Variants in CD9 observed in about 807,000 individuals in gnomAD.
The protein encoded by CD9 is CD9 molecule.
In CD9, 10 loss-of-function variants were observed where a neutral mutation model predicts 31.4. The ratio of observed to expected loss-of-function variants is 0.32; its 90% CI spans 0.20 to 0.54. The LOEUF (loss-of-function observed/expected upper bound fraction) is 0.54, where lower values mean the gene tolerates loss of function less well. CD9 is among the 20% of genes least tolerant of loss of function. The pLI is 0.94. For synonymous variants in CD9, 113 were observed against 114.1 expected, an observed-to-expected ratio of 0.99 and a Z score of 0.06; for missense variants, 259 against 300.1, an observed-to-expected ratio of 0.86 and a Z score of 1.01.
chr12:6,233,573 T>A lies in CD9; in HGVS notation c.348+87T>A. On this transcript the variant is annotated intron_variant, in intron 4 of 7. Transcript: ENST00000009180. ...GGGGGCAAGTCCTGGCTGGGCACTT[T>A]GTTCAGCTTTCAGCTGTTGACCAGG... 2.9e-6 allele frequency: 3 copies of A among 1,028,926 alleles called. No homozygotes were observed. In the South Asian group the frequency reaches 3.8e-5, roughly 13 times the overall value. 63.7% of individuals were successfully genotyped at this position (1,028,926 alleles called of 1,614,324 possible).
At chr12:6,233,776 G>A (rs1247878485) in intron 4 of CD9, among the ~76,000 whole-genome samples, 1 of 151,974 alleles carries the variant, frequency 6.6e-6, no homozygotes. Context: ...TCACACCTCA[G>A]CAGCCCTTCC....
At chr12:6,225,272 C>T in intron 1 of CD9, 154 bp from the exon 2 acceptor site, 1 of 609,884 alleles carries the variant, frequency 1.6e-6, no homozygotes, top group South Asian at 2.0e-5. Flanking sequence ...GAATCAAACA[C>T]ACCCCGTAAT....
chr12:6,228,751 C>T (rs1219417337), intron 2 of CD9, among the ~76,000 whole-genome samples: 1 of 152,176 alleles, frequency 6.6e-6, no homozygotes, highest in South Asian at 2.1e-4. Context: ...GGCCCAGAGC[C>T]CTTCTCCTAG....
intron 6 of CD9, 122 bp from the exon 7 acceptor site, chr12:6,236,070 T>C: frequency 6.6e-7 from 1 of 1,506,414 alleles, no homozygotes; most frequent in Non-Finnish European, 8.9e-7. Context: ...CCCCGAACAC[T>C]CCTGTCCCCA....
chr12:6,235,803 C>CCGGAAGCTCTCAAGGGCAGG, intron 6 of CD9: 1 of 1,386,166 alleles, frequency 7.2e-7, no homozygotes, highest in Non-Finnish European at 9.3e-7. Context: ...TGCTGCCAGC[C>CCGGAAGCTCTCAAGGGCAGG]CGGAAGCTCT....
intron 2 of CD9, among the ~76,000 whole-genome samples, chr12:6,228,696 C>T (rs566444391): frequency 6.6e-5 from 10 of 152,316 alleles, no homozygotes; most frequent in African/African-American, 2.4e-4. Flanking sequence ...AGGCGTCGCT[C>T]TGTGTCCCCT....
At chr12:6,201,866 C>T (rs562812245) in intron 1 of CD9, among the ~76,000 whole-genome samples, 1 of 152,172 alleles carries the variant, frequency 6.6e-6, no homozygotes, top group East Asian at 1.9e-4. Context: ...GTGAGACCCC[C>T]ATCTCCACAA....
chr12:6,217,806 T>C (rs1213902187), intron 1 of CD9, among the ~76,000 whole-genome samples: 1 of 152,162 alleles, frequency 6.6e-6, no homozygotes, highest in African/African-American at 2.4e-5. Context: ...CCCAAAGTGG[T>C]AGATATGGCC....
In CD9 at chr12:6,232,776, C is replaced by G. The variant is rs375979181; in HGVS notation, c.273+47C>G. 1 of 1,279,812 alleles carries G rather than the reference C, an allele frequency of 7.8e-7. No homozygotes were observed. Among genetic ancestry groups the G allele is most frequent in the Non-Finnish European group, 1.1e-6 (1 of 913,480 alleles). 79.3% of individuals were successfully genotyped at this position (1,279,812 alleles called of 1,614,324 possible). ...CCACAGCCACCCTGACTCCCACCAA[C>G]AAAAACCTCAGCAGGCCCAGACCCA... On this transcript the variant is annotated intron_variant, in intron 3 of 7. Coordinates refer to ENST00000009180, the MANE Select transcript of CD9 (RefSeq NM_001769.4). The surrounding 1 kb of genome is among the most constrained non-coding windows in gnomAD (Gnocchi z 4.8).
At position 6,235,197 on chromosome 12, in the gene CD9, G is replaced by T. The variant is rs369457813; in HGVS notation, c.349-32G>T. The stretch of plus-strand genomic sequence containing the variant: ...TCGTGGAGGAAGATGTGAAAATGCC[G>T]TCTCTGCCCCTCTCTCGTCTGCCCA... On this transcript the variant is annotated intron_variant, in intron 4 of 7. Transcript: ENST00000009180. The T allele has an allele frequency of 2.7e-6, 4 of 1,456,874 alleles. No individual in the cohort carries two copies. The East Asian group carries it at 9.2e-5, about 33-fold the overall frequency. The allele number at this position is 1,456,874 out of a possible 1,614,324, so 90.2% of individuals were successfully genotyped here. A position where few individuals can be genotyped will look rare whatever the true frequency, so the allele number is the denominator to read the frequency against.
intron 1 of CD9, chr12:6,224,877 C>T (rs1197877857): frequency 6.6e-6 from 1 of 152,638 alleles, no homozygotes; most frequent in Non-Finnish European, 1.5e-5. Context: ...GTGTAACCAT[C>T]ACCCAAGTCA....
intron 4 of CD9, among the ~76,000 whole-genome samples, chr12:6,233,753 C>T (rs1018288106): frequency 6.6e-6 from 1 of 152,054 alleles, no homozygotes. Flanking sequence ...GTGCGTGTGT[C>T]TGTCTGTCCA....
rs772704408 is a variant in CD9 at position 6,235,206 on chromosome 12, CCTCT to C, written c.349-19_349-16del. On this transcript the variant is annotated intron_variant, in intron 4 of 7. Transcript: ENST00000009180. The stretch of plus-strand genomic sequence containing the variant: ...AAGATGTGAAAATGCCGTCTCTGCC[CCTCT>C]CTCGTCTGCCCATTGTAGGTGATTA... 6.6e-7 allele frequency: 1 copy of C among 1,512,530 alleles called. No individual in the cohort carries two copies. The highest frequency in any genetic ancestry group is 1.7e-5 in the Admixed American group (1 of 59,108). The allele number at this position is 1,512,530 out of a possible 1,614,324, so 93.7% of individuals were successfully genotyped here. A position where few individuals can be genotyped will look rare whatever the true frequency, so the allele number is the denominator to read the frequency against.
chr12:6,227,177 A>G (rs1258420941), intron 2 of CD9, among the ~76,000 whole-genome samples: 2 of 149,790 alleles, frequency 1.3e-5, no homozygotes, highest in Non-Finnish European at 2.9e-5. Flanking sequence ...GGAGGAAGAC[A>G]CTAACATTTT....
chr12:6,231,829 T>A (rs1206434772), intron 2 of CD9, among the ~76,000 whole-genome samples: 1 of 152,174 alleles, frequency 6.6e-6, no homozygotes, highest in African/African-American at 2.4e-5. Context: ...ACTGTTAAGA[T>A]CTTGTTAGCA....
At chr12:6,211,934 T>G (rs1238054681) in intron 1 of CD9, among the ~76,000 whole-genome samples, 4 of 152,172 alleles carry the variant, frequency 2.6e-5, no homozygotes, top group Admixed American at 1.3e-4. Context: ...TTTTCTCCTC[T>G]CCAGGGCAGA....
intron 1 of CD9, chr12:6,205,900 G>T (rs1328385968): frequency 6.6e-6 from 1 of 152,226 alleles, no homozygotes; most frequent in African/African-American, 2.4e-5. Context: ...CTGGGGAAAG[G>T]AGAGTGGAGA....
At chr12:6,231,111 C>G (rs1043776338) in intron 2 of CD9, among the ~76,000 whole-genome samples, 1 of 152,166 alleles carries the variant, frequency 6.6e-6, no homozygotes, top group African/African-American at 2.4e-5. Context: ...CAGACTTTCT[C>G]TCTCGCGTGC....
At chr12:6,200,682 G>C in intron 1 of CD9, 117 bp downstream of exon 1, 1 of 639,422 alleles carries the variant, frequency 1.6e-6, no homozygotes, top group South Asian at 2.0e-5. Flanking sequence ...GCAGGCACCG[G>C]GCGGGAAGAG....
Sources: allele counts gnomAD v4.1 joint callset (sites outside exome capture counted in the v4.1 genomes callset), GRCh38; gene constraint gnomAD v4.1.1; non-coding constraint Gnocchi (gnomAD v3.1); transcripts MANE v1.5; gene names NCBI Gene and HGNC (gene_info 2026-07-23, HGNC 2026-07-21).